Variants in FNDC3B observed in about 807,000 individuals in gnomAD.
The protein encoded by FNDC3B is fibronectin type III domain containing 3B.
A neutral mutation model predicts 151.5 loss-of-function variants in FNDC3B; 12 were observed. That is an observed-to-expected ratio of 0.08 (90% CI 0.05 to 0.13). FNDC3B has a LOEUF of 0.13. Ranked by LOEUF, FNDC3B falls within the 10% of genes least tolerant of loss-of-function variation. The probability of loss-of-function intolerance (pLI) is 1.00; values close to 1 mark genes in which losing one functional copy is unlikely to be tolerated. For missense variants in FNDC3B, 1,214 were observed against 1,505.3 expected, an observed-to-expected ratio of 0.81 and a Z score of 3.20; for synonymous variants, 528 against 549.0, an observed-to-expected ratio of 0.96 and a Z score of 0.54.
intron 23 of FNDC3B, among the ~76,000 whole-genome samples, chr3:172,365,492 T>C (rs1734575677): frequency 6.6e-6 from 1 of 152,184 alleles, no homozygotes; most frequent in Non-Finnish European, 1.5e-5. Flanking sequence ...TGAGCATATT[T>C]CATGTAAATA....
intron 4 of FNDC3B, among the ~76,000 whole-genome samples, chr3:172,234,923 A>AT: frequency 6.6e-6 from 1 of 152,334 alleles, no homozygotes; most frequent in South Asian, 2.1e-4. Flanking sequence ...GGTTCACAAA[A>AT]TTAGAATTAT....
chr3:172,276,155 G>A (rs1261980496), intron 6 of FNDC3B, among the ~76,000 whole-genome samples: 1 of 152,172 alleles, frequency 6.6e-6, no homozygotes, highest in African/African-American at 2.4e-5. Flanking sequence ...AATCCAAAAT[G>A]TTTGGATAAT....
chr3:172,055,787 CTT>C (rs768264065), intron 1 of FNDC3B, among the ~76,000 whole-genome samples: 1 of 143,644 alleles, frequency 7.0e-6, no homozygotes. Context: ...ATGTTTCTTT[CTT>C]TTTTTTTTTT....
At chr3:172,286,062 A>T in intron 7 of FNDC3B, 78 bp downstream of exon 7, 2 of 1,031,932 alleles carry the variant, frequency 1.9e-6, no homozygotes, top group African/African-American at 1.6e-5. Flanking sequence ...TTTCCACCAC[A>T]CAGTAGGTAA....
intron 1 of FNDC3B, among the ~76,000 whole-genome samples, chr3:172,059,583 T>C (rs1717088549): frequency 6.6e-6 from 1 of 152,200 alleles, no homozygotes; most frequent in African/African-American, 2.4e-5. Flanking sequence ...CTGTTATAGA[T>C]TGTCTGACCT....
At chr3:172,358,879 A>C (rs1301516430) in intron 22 of FNDC3B, among the ~76,000 whole-genome samples, 1 of 151,718 alleles carries the variant, frequency 6.6e-6, no homozygotes, top group Admixed American at 6.6e-5. Flanking sequence ...AATTTCCCCA[A>C]GGTCTCCAAA....
intron 4 of FNDC3B, among the ~76,000 whole-genome samples, chr3:172,239,121 C>A (rs1727332391): frequency 6.6e-6 from 1 of 151,652 alleles, no homozygotes; most frequent in Non-Finnish European, 1.5e-5. Flanking sequence ...TACTGAAAGT[C>A]TTCTGTGTGC....
intron 8 of FNDC3B, among the ~76,000 whole-genome samples, chr3:172,295,985 A>G (rs976778120): frequency 5.9e-5 from 9 of 152,138 alleles, no homozygotes; most frequent in Non-Finnish European, 1.0e-4. Context: ...AAAACATTTC[A>G]TTTGGAGGCC....
intron 6 of FNDC3B, among the ~76,000 whole-genome samples, chr3:172,265,223 AG>A (rs1317322463): frequency 6.6e-6 from 1 of 152,220 alleles, no homozygotes; most frequent in Non-Finnish European, 1.5e-5. Flanking sequence ...TCAATATGAA[AG>A]ATAATTAATA....
chr3:172,182,662 A>T (rs1723971736), intron 3 of FNDC3B, among the ~76,000 whole-genome samples: 1 of 152,210 alleles, frequency 6.6e-6, no homozygotes, highest in African/African-American at 2.4e-5. Context: ...AGGGAATTCC[A>T]ACATAGAATC....
chr3:172,105,190 A>G (rs1254175338), intron 1 of FNDC3B, among the ~76,000 whole-genome samples: 2 of 152,156 alleles, frequency 1.3e-5, no homozygotes, highest in African/African-American at 4.8e-5. Context: ...TTATACATAA[A>G]GGCCACCCGG....
intron 3 of FNDC3B, among the ~76,000 whole-genome samples, chr3:172,200,508 A>G (rs981499224): frequency 6.6e-6 from 1 of 152,250 alleles, no homozygotes; most frequent in African/African-American, 2.4e-5. Flanking sequence ...CTTTCAGTAC[A>G]GTATTCAATA....
chr3:172,156,806 G>A (rs1559992876), intron 3 of FNDC3B, among the ~76,000 whole-genome samples: 1 of 151,480 alleles, frequency 6.6e-6, no homozygotes, highest in Non-Finnish European at 1.5e-5. Flanking sequence ...GAACCGTATC[G>A]AATTCCAGGT....
At chr3:172,065,068 T>C (rs1717419421) in intron 1 of FNDC3B, among the ~76,000 whole-genome samples, 1 of 152,176 alleles carries the variant, frequency 6.6e-6, no homozygotes, top group Non-Finnish European at 1.5e-5. Context: ...GTGCGGTGGC[T>C]CACGCCTGTA....
At chr3:172,085,841 A>T (rs965123460) in intron 1 of FNDC3B, among the ~76,000 whole-genome samples, 1 of 152,246 alleles carries the variant, frequency 6.6e-6, no homozygotes, top group Non-Finnish European at 1.5e-5. Context: ...CTATTAATGC[A>T]TAATGGATTC....
intron 23 of FNDC3B, among the ~76,000 whole-genome samples, chr3:172,366,493 A>G (rs865833130): frequency 1.2e-4 from 18 of 152,158 alleles, no homozygotes; most frequent in African/African-American, 3.6e-4. Context: ...AAAAAAACAT[A>G]GTTTCTGATA....
intron 3 of FNDC3B, among the ~76,000 whole-genome samples, chr3:172,177,355 C>T (rs1045037338): frequency 1.3e-5 from 2 of 152,134 alleles, no homozygotes; most frequent in African/African-American, 4.8e-5. Context: ...TTACCCATTA[C>T]GTTAGAGCTG....
intron 6 of FNDC3B, among the ~76,000 whole-genome samples, chr3:172,262,712 G>C (rs1363126885): frequency 6.6e-6 from 1 of 151,430 alleles, no homozygotes; most frequent in Admixed American, 6.6e-5. Flanking sequence ...AGACCAGCCT[G>C]GACAGCATAG....
At chr3:172,255,748 A>G (rs1728304062) in intron 6 of FNDC3B, among the ~76,000 whole-genome samples, 1 of 152,218 alleles carries the variant, frequency 6.6e-6, no homozygotes, top group East Asian at 1.9e-4. Flanking sequence ...AGAAACGTAC[A>G]GATACCTTGG....
Sources: allele counts gnomAD v4.1 joint callset (sites outside exome capture counted in the v4.1 genomes callset), GRCh38; gene constraint gnomAD v4.1.1; transcripts MANE v1.5; gene names NCBI Gene and HGNC (gene_info 2026-07-23, HGNC 2026-07-21).